DIPK2A: variants seen among roughly 807,000 people sequenced by gnomAD.
DIPK2A encodes Golgi Protein of 49 kDa.
A neutral mutation model predicts 39.0 loss-of-function variants in DIPK2A; 27 were observed. The ratio of observed to expected loss-of-function variants is 0.69; its 90% confidence interval spans 0.51 to 0.96. DIPK2A has a LOEUF of 0.96. Ranked by LOEUF, DIPK2A falls within the 40% of genes least tolerant of loss-of-function variation. DIPK2A has a pLI of 0.00. For missense variants in DIPK2A, 528 were observed against 571.3 expected (o/e 0.92, Z 0.77); for synonymous variants, 298 against 240.8 (o/e 1.24, Z -2.20).
intron 2 of DIPK2A, among the ~76,000 whole-genome samples, chr3:143,988,173 A>C (rs1046595767): frequency 1.3e-5 from 2 of 151,294 alleles, no homozygotes; most frequent in African/African-American, 2.4e-5. Flanking sequence ...ATCACGGCTC[A>C]CTGCAGCCTT....
At chr3:143,978,687 T>TATAGATATATATATATCTATAG (rs2087784291) in intron 1 of DIPK2A, among the ~76,000 whole-genome samples, 2 of 126,330 alleles carry the variant, frequency 1.6e-5, no homozygotes, top group East Asian at 2.2e-4. Context: ...TATATCTATA[T>TATAGATATATATATATCTATAG]ATATATATAT....
At chr3:143,982,827 A>G (rs1267149038) in intron 1 of DIPK2A, among the ~76,000 whole-genome samples, 2 of 152,132 alleles carry the variant, frequency 1.3e-5, no homozygotes, top group African/African-American at 2.4e-5. Flanking sequence ...AGAACCCACC[A>G]GTGTGCTGTA....
In DIPK2A at chr3:143,985,675, G is replaced by A. The variant is rs1367040240; in HGVS notation, c.790G>A (p.Ala264Thr). 3 of 1,614,108 alleles carry A rather than the reference G, an allele frequency of 1.9e-6. No homozygotes were observed. Among genetic ancestry groups the A allele is most frequent in the East Asian group, 2.2e-5 (1 of 44,876 alleles). Residue 264 changes from alanine to threonine, a missense_variant, in exon 2 of 3, where the codon GCT (alanine) becomes ACT (threonine). By Grantham distance (58) the Ala-to-Thr change is moderately conservative. Transcript: ENST00000315691. The stretch of plus-strand genomic sequence containing the variant: ...GCCATGGGAAAAACGAGTTGACCTC[G>A]CTTGGCAATTAATGGAAATAGCAGA... Reference protein sequence around the residue: ...NAPWEKRVDLAWQLMEIAEQL... With the variant: ...NAPWEKRVDLTWQLMEIAEQL...
At chr3:143,973,288 A>G (rs1168597111) in intron 1 of DIPK2A, 3 of 1,473,200 alleles carry the variant, frequency 2.0e-6, no homozygotes, top group Non-Finnish European at 2.8e-6. Context: ...AAATGTCTCT[A>G]CTGCGAGTTT....
chr3:143,983,566 AG>A (rs1461425578), intron 1 of DIPK2A, among the ~76,000 whole-genome samples: 1 of 152,220 alleles, frequency 6.6e-6, no homozygotes, highest in Non-Finnish European at 1.5e-5. Context: ...CTGTGTTTAG[AG>A]GAAAATCTAT....
rs1359384222 is a variant in DIPK2A at position 143,990,431 on chromosome 3, T to G, written c.*590T>G. 5 of 151,948 alleles carry G rather than the reference T, an allele frequency of 3.3e-5. No individual in the cohort carries two copies. Among genetic ancestry groups the G allele is most frequent in the Admixed American group, 6.6e-5 (1 of 15,248 alleles). 9.4% of individuals were successfully genotyped at this position (151,948 alleles called of 1,614,324 possible). The stretch of plus-strand genomic sequence containing the variant: ...AGGATTCCCAGGTTTACTGTGTTTT[T>G]TTTTTTTTTTTTTAAAGAAAGCTAA... On this transcript the variant is annotated 3_prime_UTR_variant, in exon 3 of 3. Transcript: ENST00000315691.
At chr3:143,981,240 C>A (rs1436236110) in intron 1 of DIPK2A, among the ~76,000 whole-genome samples, 3 of 152,058 alleles carry the variant, frequency 2.0e-5, no homozygotes, top group Non-Finnish European at 4.4e-5. Flanking sequence ...GTAAGATAAT[C>A]CTGAACATCA....
Position 143,990,727 on chromosome 3 carries a change from T to G in DIPK2A, c.*886T>G, listed in dbSNP as rs1170303145. The G allele has an allele frequency of 2.0e-5, 3 of 152,616 alleles. No individual in the cohort carries two copies. The highest frequency in any genetic ancestry group is 6.5e-5 in the Admixed American group (1 of 15,276). The allele number at this position is 152,616 out of a possible 1,614,324, so 9.5% of individuals were successfully genotyped here. A position where few individuals can be genotyped will look rare whatever the true frequency, so the allele number is the denominator to read the frequency against. The stretch of plus-strand genomic sequence containing the variant: ...AAAAGTGTTAACTAGTCCAAGATAG[T>G]AATGCATATGCCAAAGAAATATTAC... On this transcript the variant is annotated 3_prime_UTR_variant, in exon 3 of 3. Coordinates refer to ENST00000315691, the MANE Select transcript of DIPK2A (RefSeq NM_173552.5).
rs1460757776 is a variant in DIPK2A, at chr3:143,972,286, G to A, written c.-47G>A. 76 of 1,338,094 alleles carry A rather than the reference G, an allele frequency of 5.7e-5. No individual in the cohort carries two copies. In the Middle Eastern group the frequency reaches 8.3e-4, roughly 15 times the overall value. 82.9% of individuals were successfully genotyped at this position (1,338,094 alleles called of 1,614,324 possible). ...CTCTCCGGGTCTTGGCGCGGCGGGG[G>A]CGCCCCGGGGGTGCCCTCGCCCTCC... On this transcript the variant is annotated 5_prime_UTR_variant, in exon 1 of 3. Transcript: ENST00000315691.
At chr3:143,981,482 A>G (rs929200101) in intron 1 of DIPK2A, among the ~76,000 whole-genome samples, 1 of 152,128 alleles carries the variant, frequency 6.6e-6, no homozygotes, top group Non-Finnish European at 1.5e-5. Flanking sequence ...GAACTGCCCC[A>G]TCTCCAGTCT....
chr3:143,972,129 G>A lies in DIPK2A; in HGVS notation c.-204G>A, dbSNP rs995582390. 16 of 420,904 alleles carry A rather than the reference G, an allele frequency of 3.8e-5. No homozygotes were observed. The highest frequency in any genetic ancestry group is 6.6e-5 in the Non-Finnish European group (16 of 243,046). The allele number at this position is 420,904 out of a possible 1,614,324, so 26.1% of individuals were successfully genotyped here. A position where few individuals can be genotyped will look rare whatever the true frequency, so the allele number is the denominator to read the frequency against. ...GAGCTCGAGAGTTGTGGAGACTAGT[G>A]ACTGGGAGAAGTCGCAGCCCGCTCA... On this transcript the variant is annotated 5_prime_UTR_variant, in exon 1 of 3. Transcript: ENST00000315691.
chr3:143,990,128 A>G lies in DIPK2A; in HGVS notation c.*287A>G, dbSNP rs2087960408. On this transcript the variant is annotated 3_prime_UTR_variant, in exon 3 of 3. Coordinates refer to ENST00000315691, the MANE Select transcript of DIPK2A (RefSeq NM_173552.5). ...GTGGATTAATGAATATTGTTAAGCT[A>G]TTGGAAATGAGTCTGATAGTACATT... 1 of 322,418 alleles carries G rather than the reference A, an allele frequency of 3.1e-6. No individual in the cohort carries two copies. The highest frequency in any genetic ancestry group is 2.1e-5 in the African/African-American group (1 of 47,834). The allele number at this position is 322,418 out of a possible 1,614,324, so 20.0% of individuals were successfully genotyped here.
intron 1 of DIPK2A, among the ~76,000 whole-genome samples, chr3:143,976,560 G>T (rs2087733077): frequency 7.4e-6 from 1 of 135,442 alleles, no homozygotes; most frequent in South Asian, 2.3e-4. Context: ...GTGTGTGAGA[G>T]AGAGAGAGAG....
chr3:143,988,265 A>G (rs2087933266), intron 2 of DIPK2A, among the ~76,000 whole-genome samples: 1 of 151,930 alleles, frequency 6.6e-6, no homozygotes, highest in Non-Finnish European at 1.5e-5. Flanking sequence ...TGCCTGGCTA[A>G]TTTTTAAATT....
In DIPK2A at chr3:143,972,454, G is replaced by A; in HGVS notation, c.122G>A (p.Arg41His). Residue 41 changes from arginine (R) to histidine (H), a missense_variant, in exon 1 of 3, where the codon CGC becomes CAC. Around this residue, in one of 2 missense-constraint regions of DIPK2A, gnomAD observed 309 missense variants for 289.8 expected, o/e 1.07. Coordinates refer to ENST00000315691, the MANE Select transcript of DIPK2A (RefSeq NM_173552.5). ...CCGTCGCTGCTCGCCTCTTGGCAGC[G>A]CAACGAACTGACCGACCGGCGCTTC... ...HSPSLLASWQ[R>H]NELTDRRFLQ... 6.2e-7 allele frequency: 1 copy of A among 1,600,228 alleles called. No homozygotes were observed. Among genetic ancestry groups the A allele is most frequent in the Non-Finnish European group, 8.5e-7 (1 of 1,172,454 alleles).
chr3:143,978,868 G>C (rs2087788543), intron 1 of DIPK2A, among the ~76,000 whole-genome samples: 1 of 151,564 alleles, frequency 6.6e-6, no homozygotes, highest in African/African-American at 2.4e-5. Flanking sequence ...CCACAAAGTT[G>C]TTGGATGGTA....
chr3:143,990,090 C>G lies in DIPK2A; in HGVS notation c.*249C>G, dbSNP rs545861748. 2.2e-6 allele frequency: 1 copy of G among 453,916 alleles called. No individual in the cohort carries two copies. Among genetic ancestry groups the G allele is most frequent in the East Asian group, 3.7e-5 (1 of 27,120 alleles). 28.1% of individuals were successfully genotyped at this position (453,916 alleles called of 1,614,324 possible). On this transcript the variant is annotated 3_prime_UTR_variant, in exon 3 of 3. Coordinates refer to ENST00000315691, the MANE Select transcript of DIPK2A (RefSeq NM_173552.5). ...CTGTCATCAGCTGCTCCCCACTACC[C>G]CGGAATGCTTGAGTGGATTAATGAA...
At position 143,972,378 on chromosome 3, in the gene DIPK2A, C is replaced by G. The variant is rs1427199574; in HGVS notation, c.46C>G (p.Leu16Val). 2 of 1,418,400 alleles carry G rather than the reference C, an allele frequency of 1.4e-6. No individual in the cohort carries two copies. Among genetic ancestry groups the G allele is most frequent in the Non-Finnish European group, 1.8e-6 (2 of 1,085,122 alleles). 87.9% of individuals were successfully genotyped at this position (1,418,400 alleles called of 1,614,324 possible). Residue 16 changes from leucine to valine, a missense_variant, in exon 1 of 3, where the codon CTG becomes GTG. This residue lies in a region of DIPK2A where 309 missense variants were observed against 289.8 expected (regional missense o/e 1.07). Coordinates refer to ENST00000315691, the MANE Select transcript of DIPK2A (RefSeq NM_173552.5). The part of the protein sequence containing the change: ...PPKLGRLSRS[L>V]KLAALGSLLV... Reference sequence around the variant, plus strand: ...GAAGCTGGGCCGCCTGTCCCGCTCGCTGAAGCTGGCGGCGCTGGGCAGCCT... The same window carrying G: ...GAAGCTGGGCCGCCTGTCCCGCTCGGTGAAGCTGGCGGCGCTGGGCAGCCT...
intron 1 of DIPK2A, among the ~76,000 whole-genome samples, chr3:143,974,296 T>C (rs2087700321): frequency 6.6e-6 from 1 of 152,152 alleles, no homozygotes; most frequent in Non-Finnish European, 1.5e-5. Context: ...GAAACTTTAG[T>C]GTGGGTCTTA....
Sources: allele counts gnomAD v4.1 joint callset (sites outside exome capture counted in the v4.1 genomes callset), GRCh38; gene constraint gnomAD v4.1.1; regional missense constraint gnomAD v4.1.1; transcripts MANE v1.5; gene names NCBI Gene and HGNC (gene_info 2026-07-23, HGNC 2026-07-21).